Variants in TOX observed in about 807,000 individuals in gnomAD.
The protein encoded by TOX is thymocyte selection associated high mobility group box.
Under a neutral mutation model 53.7 loss-of-function variants are expected in TOX, and 11 were observed. The observed-to-expected ratio is 0.20, with a 90% confidence interval of 0.13 to 0.34. The LOEUF is 0.34. Among genes scored for constraint, TOX ranks in the 10% least tolerant of loss-of-function variants. TOX has a pLI of 1.00. For synonymous variants in TOX, 225 were observed against 245.3 expected (o/e 0.92, Z 0.77); for missense variants, 570 against 664.6 (o/e 0.86, Z 1.56).
intron 2 of TOX, among the ~76,000 whole-genome samples, chr8:58,941,039 A>G (rs1812429171): frequency 6.6e-6 from 1 of 152,198 alleles, no homozygotes; most frequent in South Asian, 2.1e-4. Flanking sequence ...TTAAATATCT[A>G]AAGTTCTGCT....
intron 5 of TOX, among the ~76,000 whole-genome samples, chr8:58,830,428 C>T (rs1810433841): frequency 6.6e-6 from 1 of 152,134 alleles, no homozygotes; most frequent in East Asian, 1.9e-4. Context: ...TCTAGTGATT[C>T]ACTGAGGCAT....
chr8:59,011,031 T>C (rs749975744), intron 1 of TOX, among the ~76,000 whole-genome samples: 1 of 152,198 alleles, frequency 6.6e-6, no homozygotes, highest in Non-Finnish European at 1.5e-5. Context: ...GAAGTTTGCC[T>C]GGATAAAGAA....
chr8:58,951,217 G>A (rs1179268502), intron 2 of TOX, among the ~76,000 whole-genome samples: 1 of 152,074 alleles, frequency 6.6e-6, no homozygotes, highest in Non-Finnish European at 1.5e-5. Context: ...TTTGAGGTCT[G>A]GTTAAGTCAC....
chr8:58,861,081 A>T (rs890061423), intron 3 of TOX, among the ~76,000 whole-genome samples: 1 of 152,150 alleles, frequency 6.6e-6, no homozygotes, highest in Non-Finnish European at 1.5e-5. Flanking sequence ...CAATATTACC[A>T]AGTTTGACAC....
chr8:59,046,880 AAAAGAAAAGAAAAAAG>A (rs1803694166), intron 1 of TOX, among the ~76,000 whole-genome samples: 2 of 150,250 alleles, frequency 1.3e-5, no homozygotes, highest in African/African-American at 4.9e-5. Flanking sequence ...AAAAAAAAAA[AAAAGAAAAGAAAAAAG>A]GAAAAGAAAA....
intron 3 of TOX, among the ~76,000 whole-genome samples, chr8:58,886,518 C>A (rs1364574192): frequency 6.6e-6 from 1 of 151,902 alleles, no homozygotes; most frequent in Non-Finnish European, 1.5e-5. Flanking sequence ...AGATCAATGG[C>A]AAAGAGATTA....
chr8:58,817,903 T>C (rs1383145043), intron 6 of TOX, among the ~76,000 whole-genome samples: 4 of 152,150 alleles, frequency 2.6e-5, no homozygotes, highest in South Asian at 2.1e-4. Context: ...TATTACTAGA[T>C]AATGAGGTAA....
At chr8:59,101,353 C>G (rs915741300) in intron 1 of TOX, among the ~76,000 whole-genome samples, 62 of 152,094 alleles carry the variant, frequency 4.1e-4, no homozygotes, top group African/African-American at 1.5e-3. Flanking sequence ...AATAAATTAA[C>G]CAATATCACA....
intron 1 of TOX, among the ~76,000 whole-genome samples, chr8:59,084,240 T>C (rs1804468391): frequency 6.6e-6 from 1 of 152,154 alleles, no homozygotes; most frequent in Admixed American, 6.5e-5. Context: ...ATATTACATC[T>C]TTATTATCAA....
chr8:58,876,269 ATTT>A (rs920249615), intron 3 of TOX, among the ~76,000 whole-genome samples: 28 of 152,036 alleles, frequency 1.8e-4, no homozygotes, highest in African/African-American at 6.5e-4. Flanking sequence ...CTGTATACAC[ATTT>A]TTTTATTACC....
intron 1 of TOX, among the ~76,000 whole-genome samples, chr8:59,028,284 A>T (rs553740711): frequency 9.2e-5 from 14 of 152,122 alleles, no homozygotes; most frequent in Non-Finnish European, 1.8e-4. Flanking sequence ...TGCTAGGCAC[A>T]TATTTCCAAG....
rs146885596 is a variant in TOX at position 59,103,376 on chromosome 8, T to C, written c.102+15510A>G. On this transcript the variant is annotated intron_variant, in intron 1 of 8. Coordinates refer to ENST00000361421, the MANE Select transcript of TOX (RefSeq NM_014729.3). ...GACAAAAGAGTATTATGTTGTGTCA[T>C]GCGTCTCCTAGGAGCAAAGAACTAT... is the stretch of plus-strand genomic sequence containing the variant. 1.1e-3 allele frequency among the ~76,000 whole-genome samples: 173 copies of C among 152,320 alleles called. 1 individual carries two copies. The highest frequency in any genetic ancestry group is 4.1e-3 in the African/African-American group (170 of 41,564).
At position 58,957,979 on chromosome 8, in the gene TOX, T is replaced by C. The variant is rs569255921; in HGVS notation, c.168+1964A>G. Among the ~76,000 whole-genome samples, 20 of 152,348 alleles carry C rather than the reference T, an allele frequency of 1.3e-4. No individual in the cohort carries two copies. In the South Asian group the frequency reaches 3.9e-3, roughly 30 times the overall value. On this transcript the variant is annotated intron_variant, in intron 2 of 8. Transcript: ENST00000361421. ...AATTTAGCTAAGGCCATTCAACTTA[T>C]GTAATTTGTGAAGTTTATTTTTCTC... is the stretch of plus-strand genomic sequence containing the variant.
At chr8:58,832,523 CCCCAACAGCATTATGTAGTGGG>C (rs1191303516) in intron 5 of TOX, among the ~76,000 whole-genome samples, 1 of 152,080 alleles carries the variant, frequency 6.6e-6, no homozygotes, top group African/African-American at 2.4e-5. Flanking sequence ...GAAAAAGAAA[CCCCAACAGCATTATGTAGTGGG>C]TGTCTGAGCA....
intron 1 of TOX, among the ~76,000 whole-genome samples, chr8:58,987,034 G>A (rs541863688): frequency 6.6e-6 from 1 of 152,164 alleles, no homozygotes; most frequent in African/African-American, 2.4e-5. Context: ...GCTTAGCATC[G>A]GTATATTTGC....
intron 3 of TOX, among the ~76,000 whole-genome samples, chr8:58,860,928 C>G (rs376825697): frequency 6.6e-6 from 1 of 152,178 alleles, no homozygotes; most frequent in Non-Finnish European, 1.5e-5. Context: ...ATCACAACTT[C>G]GGCCAGGAGG....
chr8:59,018,807 C>A (rs550702834), intron 1 of TOX, among the ~76,000 whole-genome samples: 97 of 152,166 alleles, frequency 6.4e-4, no homozygotes, highest in African/African-American at 2.0e-3. Context: ...ATTAAAAAAA[C>A]CCCTAAATTT....
At chr8:58,959,407 G>A (rs779235244) in intron 2 of TOX, among the ~76,000 whole-genome samples, 3 of 152,096 alleles carry the variant, frequency 2.0e-5, no homozygotes, top group Non-Finnish European at 2.9e-5. Flanking sequence ...ATACAAAGGT[G>A]CCCTTGAAAG....
At chr8:59,042,248 G>C (rs1803601390) in intron 1 of TOX, among the ~76,000 whole-genome samples, 1 of 152,180 alleles carries the variant, frequency 6.6e-6, no homozygotes, top group African/African-American at 2.4e-5. Context: ...TCAAGAATCA[G>C]AAGTTCTTCA....
Sources: gnomAD v4.1 joint callset for allele counts (sites outside exome capture counted in the v4.1 genomes callset) on GRCh38, gnomAD v4.1.1 for gene constraint, MANE v1.5 for transcripts, NCBI Gene and HGNC (gene_info 2026-07-23, HGNC 2026-07-21) for gene names.